Variants in SPAG16 observed in about 807,000 individuals in gnomAD.
The protein encoded by SPAG16 is sperm associated antigen 16.
A neutral mutation model predicts 80.4 loss-of-function variants in SPAG16; 86 were observed. The ratio of observed to expected loss-of-function variants is 1.07; its 90% CI spans 0.90 to 1.28. The LOEUF (loss-of-function observed/expected upper bound fraction) is 1.28, where lower values mean the gene tolerates loss of function less well. SPAG16 is among the 50% of genes most tolerant of loss of function. SPAG16 has a pLI of 0.00. For missense variants in SPAG16, 870 were observed against 765.3 expected, an observed-to-expected ratio of 1.14 and a Z score of -1.61; for synonymous variants, 294 against 265.9, an observed-to-expected ratio of 1.11 and a Z score of -1.03.
At chr2:214,252,124 A>T in intron 15 of SPAG16, among the ~76,000 whole-genome samples, 1 of 152,134 alleles carries the variant, frequency 6.6e-6, no homozygotes, top group Non-Finnish European at 1.5e-5. Flanking sequence ...GTCTGTAAAA[A>T]TAAAAAATGA....
At chr2:213,670,040 C>T (rs756591046) in intron 10 of SPAG16, among the ~76,000 whole-genome samples, 59 of 151,360 alleles carry the variant, frequency 3.9e-4, no homozygotes, top group Non-Finnish European at 6.9e-4. Flanking sequence ...CTCTGTCACG[C>T]AGGCTGGAAT....
At chr2:213,342,358 A>G (rs1264236235) in intron 6 of SPAG16, among the ~76,000 whole-genome samples, 1 of 126,052 alleles carries the variant, frequency 7.9e-6, no homozygotes, top group Non-Finnish European at 1.7e-5. Context: ...ATGTATATAT[A>G]TATTACATAT....
At chr2:213,362,573 T>A (rs1447865190) in intron 7 of SPAG16, among the ~76,000 whole-genome samples, 1 of 152,216 alleles carries the variant, frequency 6.6e-6, no homozygotes, top group East Asian at 1.9e-4. Flanking sequence ...CATGAACCTA[T>A]GATGTAATAT....
intron 10 of SPAG16, among the ~76,000 whole-genome samples, chr2:213,693,178 C>G (rs912108388): frequency 7.9e-5 from 12 of 152,208 alleles, no homozygotes; most frequent in African/African-American, 2.9e-4. Flanking sequence ...GAGCATCTTA[C>G]AGGTCTGATT....
At chr2:213,865,662 T>A (rs1234490933) in intron 11 of SPAG16, among the ~76,000 whole-genome samples, 1 of 148,404 alleles carries the variant, frequency 6.7e-6, no homozygotes, top group Non-Finnish European at 1.5e-5. Context: ...TATGAAAACT[T>A]CTGAACTTAT....
intron 10 of SPAG16, among the ~76,000 whole-genome samples, chr2:213,785,605 C>T (rs1209477825): frequency 6.6e-6 from 1 of 152,206 alleles, no homozygotes; most frequent in East Asian, 1.9e-4. Context: ...GGTATTTCTG[C>T]TTTGCAGAGT....
At chr2:213,493,395 T>C (rs1347450786) in intron 10 of SPAG16, among the ~76,000 whole-genome samples, 2 of 152,188 alleles carry the variant, frequency 1.3e-5, no homozygotes, top group South Asian at 2.1e-4. Context: ...GATGTATTAC[T>C]AGTTTGCATT....
chr2:213,496,886 T>C (rs2074517127), intron 10 of SPAG16, among the ~76,000 whole-genome samples: 1 of 151,568 alleles, frequency 6.6e-6, no homozygotes, highest in Non-Finnish European at 1.5e-5. Context: ...TAGAATAAGC[T>C]TAAATTATGT....
At chr2:213,768,234 G>A (rs2069048521) in intron 10 of SPAG16, among the ~76,000 whole-genome samples, 1 of 152,066 alleles carries the variant, frequency 6.6e-6, no homozygotes, top group African/African-American at 2.4e-5. Flanking sequence ...GCAGGAGCTA[G>A]AAAAAAGAGA....
intron 5 of SPAG16, among the ~76,000 whole-genome samples, chr2:213,319,534 G>A (rs1341008915): frequency 1.3e-5 from 2 of 151,890 alleles, no homozygotes; most frequent in Admixed American, 1.3e-4. Context: ...TTTCTCAAAA[G>A]TGTTTTGTAC....
At chr2:214,023,900 A>G (rs2048009964) in intron 13 of SPAG16, among the ~76,000 whole-genome samples, 1 of 151,760 alleles carries the variant, frequency 6.6e-6, no homozygotes, top group South Asian at 2.1e-4. Context: ...TAATTTAATT[A>G]ATTGAATTAA....
chr2:213,864,824 T>G (rs781004581), intron 11 of SPAG16, among the ~76,000 whole-genome samples: 1 of 152,036 alleles, frequency 6.6e-6, no homozygotes, highest in African/African-American at 2.4e-5. Context: ...CCAATCAATC[T>G]TCTTTGTCCT....
intron 9 of SPAG16, among the ~76,000 whole-genome samples, chr2:213,455,359 C>A (rs1320341657): frequency 1.3e-5 from 2 of 152,316 alleles, no homozygotes; most frequent in East Asian, 3.9e-4. Context: ...TCCCTCCCCA[C>A]CAAACATCCC....
intron 15 of SPAG16, among the ~76,000 whole-genome samples, chr2:214,193,956 A>T (rs1461665513): frequency 6.6e-6 from 1 of 152,114 alleles, no homozygotes; most frequent in Non-Finnish European, 1.5e-5. Context: ...GCAATGCACC[A>T]TTCAGATGCA....
chr2:213,545,169 T>G (rs2076573503), intron 10 of SPAG16, among the ~76,000 whole-genome samples: 2 of 152,154 alleles, frequency 1.3e-5, no homozygotes, highest in Non-Finnish European at 2.9e-5. Context: ...TTCTAACATG[T>G]GTTTAATGGT....
At chr2:214,271,421 T>G (rs887807431) in intron 15 of SPAG16, among the ~76,000 whole-genome samples, 1 of 152,202 alleles carries the variant, frequency 6.6e-6, no homozygotes, top group African/African-American at 2.4e-5. Flanking sequence ...GTTCATAAAT[T>G]TAGAGGTTTG....
chr2:214,321,581 C>G (rs981306907), intron 15 of SPAG16, among the ~76,000 whole-genome samples: 1 of 152,108 alleles, frequency 6.6e-6, no homozygotes, highest in Non-Finnish European at 1.5e-5. Flanking sequence ...CTTAAAGTTA[C>G]TATATAGTCA....
intron 14 of SPAG16, among the ~76,000 whole-genome samples, chr2:214,127,854 ATCT>A: frequency 1.3e-5 from 2 of 152,064 alleles, no homozygotes; most frequent in Non-Finnish European, 2.9e-5. Context: ...AAGTTTCATC[ATCT>A]TAAAGTATGT....
chr2:213,406,488 TTTTA>T (rs1307600546), intron 9 of SPAG16, among the ~76,000 whole-genome samples: 1 of 152,234 alleles, frequency 6.6e-6, no homozygotes, highest in African/African-American at 2.4e-5. Context: ...AAGTTGTAAT[TTTTA>T]TTTATGTGAT....
Sources: gnomAD v4.1 joint callset for allele counts (sites outside exome capture counted in the v4.1 genomes callset) on GRCh38, gnomAD v4.1.1 for gene constraint, MANE v1.5 for transcripts, NCBI Gene and HGNC (gene_info 2026-07-23, HGNC 2026-07-21) for gene names.